Variants in LRMDA observed in about 807,000 individuals in gnomAD.
LRMDA encodes the protein leucine-rich melanocyte differentiation-associated protein.
In LRMDA, 18 loss-of-function variants were observed where a neutral mutation model predicts 29.8. The ratio of observed to expected loss-of-function variants is 0.60; its 90% CI spans 0.42 to 0.90. LRMDA has a LOEUF of 0.90. Ranked by LOEUF, LRMDA falls within the 40% of genes least tolerant of loss-of-function variation. The probability of loss-of-function intolerance (pLI) is 0.00; values close to 1 mark genes in which losing one functional copy is unlikely to be tolerated. For missense variants in LRMDA, 273 were observed against 273.9 expected (o/e 1.00, Z 0.02); for synonymous variants, 125 against 109.4 (o/e 1.14, Z -0.89).
rs141600284 is a variant in LRMDA at position 75,728,262 on chromosome 10, A to T, written c.131+289768A>T. Among the ~76,000 whole-genome samples, 17 of 152,288 alleles carry T rather than the reference A, an allele frequency of 1.1e-4. No homozygotes were observed. In the East Asian group the frequency reaches 3.3e-3, roughly 29 times the overall value. On this transcript the variant is annotated intron_variant, in intron 2 of 6. Coordinates refer to ENST00000611255, the MANE Select transcript of LRMDA (RefSeq NM_001305581.2). ...CACAGCATCTCTAGCTACAGTAGAAAAGTGATCCCCAAATAACAATAACCC... is the reference window on the plus strand; with the variant it reads ...CACAGCATCTCTAGCTACAGTAGAATAGTGATCCCCAAATAACAATAACCC...
intron 2 of LRMDA, among the ~76,000 whole-genome samples, chr10:75,801,223 C>T (rs1434525715): frequency 1.3e-5 from 2 of 152,160 alleles, no homozygotes; most frequent in African/African-American, 2.4e-5. Context: ...GGGATAAGCC[C>T]AGGATTTGTG....
At chr10:76,413,397 C>A (rs1841982943) in intron 6 of LRMDA, among the ~76,000 whole-genome samples, 1 of 152,162 alleles carries the variant, frequency 6.6e-6, no homozygotes, top group South Asian at 2.1e-4. Context: ...ACCTCATAAT[C>A]ATTGAGGAGG....
chr10:76,426,878 G>GT (rs1258620762), intron 6 of LRMDA, among the ~76,000 whole-genome samples: 3 of 152,238 alleles, frequency 2.0e-5, no homozygotes, highest in South Asian at 4.2e-4. Context: ...CCCATTTCTT[G>GT]TTTTTTGTCA....
chr10:75,907,512 CAT>C (rs1413494642), intron 2 of LRMDA, among the ~76,000 whole-genome samples: 2 of 152,198 alleles, frequency 1.3e-5, no homozygotes, highest in African/African-American at 4.8e-5. Flanking sequence ...TCATTTCACT[CAT>C]TGGCCGCATC....
At chr10:76,348,561 G>T (rs1841137095) in intron 6 of LRMDA, among the ~76,000 whole-genome samples, 1 of 152,168 alleles carries the variant, frequency 6.6e-6, no homozygotes, top group Non-Finnish European at 1.5e-5. Context: ...TATTGACAAG[G>T]AGTCTCTTTC....
chr10:75,950,352 T>C (rs1213344537), intron 2 of LRMDA, among the ~76,000 whole-genome samples: 1 of 152,210 alleles, frequency 6.6e-6, no homozygotes, highest in East Asian at 1.9e-4. Flanking sequence ...TATATGCTAC[T>C]CATTGACTTG....
chr10:75,689,103 C>G (rs1018930370), intron 2 of LRMDA, among the ~76,000 whole-genome samples: 1 of 151,704 alleles, frequency 6.6e-6, no homozygotes, highest in Non-Finnish European at 1.5e-5. Context: ...TGGAACGAAA[C>G]CTGGAATGGC....
intron 2 of LRMDA, among the ~76,000 whole-genome samples, chr10:75,879,252 G>A (rs1845253088): frequency 6.6e-6 from 1 of 152,222 alleles, no homozygotes; most frequent in Non-Finnish European, 1.5e-5. Context: ...CCACAGGGGT[G>A]AAGCAGGAGA....
chr10:75,487,306 C>G (rs575939674), intron 2 of LRMDA, among the ~76,000 whole-genome samples: 1 of 152,246 alleles, frequency 6.6e-6, no homozygotes, highest in East Asian at 1.9e-4. Context: ...ACTGTATGTA[C>G]CAGCAAATGG....
intron 2 of LRMDA, among the ~76,000 whole-genome samples, chr10:76,026,506 A>G (rs1455949112): frequency 1.3e-5 from 2 of 152,240 alleles, no homozygotes; most frequent in African/African-American, 4.8e-5. Context: ...CATATTTTAC[A>G]CAAATAGAGC....
At chr10:76,451,430 C>G (rs1275481062) in intron 6 of LRMDA, among the ~76,000 whole-genome samples, 2 of 152,196 alleles carry the variant, frequency 1.3e-5, no homozygotes, top group South Asian at 4.1e-4. Flanking sequence ...TGGGCTTGAT[C>G]TCCTGACCTC....
chr10:75,855,940 C>G (rs1844818300), intron 2 of LRMDA, among the ~76,000 whole-genome samples: 1 of 152,126 alleles, frequency 6.6e-6, no homozygotes, highest in African/African-American at 2.4e-5. Context: ...GTTTTGGTGC[C>G]AGTACCATGC....
intron 5 of LRMDA, among the ~76,000 whole-genome samples, chr10:76,250,862 C>G (rs933752578): frequency 6.6e-6 from 1 of 152,150 alleles, no homozygotes; most frequent in African/African-American, 2.4e-5. Context: ...CATAGCAAAC[C>G]CTCTCTGCTA....
intron 2 of LRMDA, among the ~76,000 whole-genome samples, chr10:75,900,592 G>T (rs1053638399): frequency 2.0e-5 from 3 of 152,146 alleles, no homozygotes; most frequent in Non-Finnish European, 4.4e-5. Flanking sequence ...CTTTCAGCCT[G>T]TGCAGTGCAT....
chr10:75,781,419 A>G (rs1394811352), intron 2 of LRMDA, among the ~76,000 whole-genome samples: 1 of 152,218 alleles, frequency 6.6e-6, no homozygotes. Flanking sequence ...TTAATTGGTT[A>G]TTGATTTATT....
At chr10:75,685,798 A>G (rs1310992777) in intron 2 of LRMDA, among the ~76,000 whole-genome samples, 1 of 152,216 alleles carries the variant, frequency 6.6e-6, no homozygotes, top group African/African-American at 2.4e-5. Context: ...GCATGTGAGT[A>G]TGGGATATGG....
intron 2 of LRMDA, among the ~76,000 whole-genome samples, chr10:75,918,730 G>A (rs553224001): frequency 6.6e-5 from 10 of 152,340 alleles, no homozygotes; most frequent in Non-Finnish European, 1.5e-4. Context: ...CAAGCCAGGT[G>A]GAGAAGAGGG....
chr10:75,989,367 G>A (rs1045492139), intron 2 of LRMDA, among the ~76,000 whole-genome samples: 28 of 152,366 alleles, frequency 1.8e-4, no homozygotes, highest in African/African-American at 6.3e-4. Flanking sequence ...CAAAGAGGGC[G>A]CTGGCACTTC....
chr10:76,547,355 C>A (rs1843433403), intron 6 of LRMDA, among the ~76,000 whole-genome samples: 1 of 152,080 alleles, frequency 6.6e-6, no homozygotes, highest in African/African-American at 2.4e-5. Context: ...AAATGGGGGG[C>A]AAGGAGTGTC....
Sources: allele counts gnomAD v4.1 joint callset (sites outside exome capture counted in the v4.1 genomes callset), GRCh38; gene constraint gnomAD v4.1.1; transcripts MANE v1.5; gene names NCBI Gene and HGNC (gene_info 2026-07-23, HGNC 2026-07-21).